ARL15: variants seen among roughly 807,000 people sequenced by gnomAD.
ARL15 encodes ADP-ribosylation factor-like protein 15.
ARL15 carries 19 observed loss-of-function variants against 25.2 expected under a neutral mutation model. The observed-to-expected ratio is 0.75, with a 90% confidence interval of 0.53 to 1.10. ARL15 has a LOEUF of 1.10. Among genes scored for constraint, ARL15 ranks in the 50% least tolerant of loss-of-function variants. ARL15 has a pLI of 0.00. For missense variants in ARL15, 220 were observed against 246.0 expected, an observed-to-expected ratio of 0.89 and a Z score of 0.71; for synonymous variants, 94 against 86.8, an observed-to-expected ratio of 1.08 and a Z score of -0.46.
intron 1 of ARL15, among the ~76,000 whole-genome samples, chr5:54,239,095 G>A (rs939247471): frequency 3.9e-5 from 6 of 152,084 alleles, no homozygotes; most frequent in Non-Finnish European, 7.4e-5. Context: ...CATCCCTCTA[G>A]CACCCTCCAT....
chr5:54,131,129 A>T (rs1753416403), intron 3 of ARL15, among the ~76,000 whole-genome samples: 1 of 152,180 alleles, frequency 6.6e-6, no homozygotes, highest in Non-Finnish European at 1.5e-5. Flanking sequence ...AGCAGTAAGC[A>T]GTTTCTGTTT....
At chr5:54,310,105 G>C (rs899339188) in intron 1 of ARL15, among the ~76,000 whole-genome samples, 1 of 152,238 alleles carries the variant, frequency 6.6e-6, no homozygotes, top group Non-Finnish European at 1.5e-5. Context: ...GTCCTCTGCG[G>C]AGAGCGCAGA....
rs1373274175 is a variant in ARL15, at chr5:53,998,216, CTCGCTTTTCCCA to C, written c.463-111515_463-111504del. The stretch of plus-strand genomic sequence containing the variant: ...GTGAGGGGGACTGAGCCCTATTTCT[CTCGCTTTTCCCA>C]TCTCTTGAATAATGTATCGTTCTTT... On this transcript the variant is annotated intron_variant, in intron 4 of 4. Coordinates refer to ENST00000504924, the MANE Select transcript of ARL15 (RefSeq NM_019087.3). Among the ~76,000 whole-genome samples, 5 of 151,252 alleles carry C rather than the reference CTCGCTTTTCCCA, an allele frequency of 3.3e-5. No individual in the cohort carries two copies. In the East Asian group the frequency reaches 9.8e-4, roughly 30 times the overall value.
At chr5:54,240,696 C>T (rs528280773) in intron 1 of ARL15, among the ~76,000 whole-genome samples, 5 of 152,252 alleles carry the variant, frequency 3.3e-5, no homozygotes, top group South Asian at 2.1e-4. Context: ...AATAAGGACC[C>T]TTCTCATGAT....
chr5:53,903,034 G>A (rs1011375331), intron 4 of ARL15, among the ~76,000 whole-genome samples: 2 of 152,158 alleles, frequency 1.3e-5, no homozygotes, highest in Admixed American at 6.5e-5. Flanking sequence ...CCTGGCAACT[G>A]AGAAATATGA....
intron 4 of ARL15, among the ~76,000 whole-genome samples, chr5:53,996,709 G>T (rs2111695043): frequency 6.6e-6 from 1 of 150,650 alleles, no homozygotes; most frequent in South Asian, 2.1e-4. Flanking sequence ...TTTTTCTTTT[G>T]CTACCTAAAA....
At chr5:54,150,969 G>A (rs933161017) in intron 3 of ARL15, among the ~76,000 whole-genome samples, 3 of 152,018 alleles carry the variant, frequency 2.0e-5, no homozygotes, top group African/African-American at 7.2e-5. Context: ...CCTGGGTAAA[G>A]TGCTGTAGGT....
At chr5:54,179,509 C>T (rs1478313856) in intron 1 of ARL15, among the ~76,000 whole-genome samples, 1 of 152,040 alleles carries the variant, frequency 6.6e-6, no homozygotes, top group African/African-American at 2.4e-5. Flanking sequence ...GCAAAAGGGA[C>T]CTGCAGCTCT....
chr5:53,929,381 G>A (rs1287209765), intron 4 of ARL15, among the ~76,000 whole-genome samples: 2 of 152,116 alleles, frequency 1.3e-5, no homozygotes, highest in African/African-American at 2.4e-5. Context: ...TTTCTCTTAT[G>A]GGTCAAACAG....
At chr5:54,285,269 G>A in intron 1 of ARL15, 1 of 641,136 alleles carries the variant, frequency 1.6e-6, no homozygotes, top group Non-Finnish European at 1.9e-6. Flanking sequence ...ATCTGTTTAA[G>A]AGAGGTCTAT....
chr5:54,152,100 A>T (rs1412819773), intron 3 of ARL15, among the ~76,000 whole-genome samples: 2 of 152,086 alleles, frequency 1.3e-5, no homozygotes, highest in African/African-American at 4.8e-5. Context: ...TGACAATGTG[A>T]TTGAACTCTG....
intron 1 of ARL15, among the ~76,000 whole-genome samples, chr5:54,222,847 G>T (rs897081327): frequency 6.6e-6 from 1 of 151,914 alleles, no homozygotes; most frequent in South Asian, 2.1e-4. Flanking sequence ...TTTTTGAGAC[G>T]GAGTCTCACT....
intron 4 of ARL15, among the ~76,000 whole-genome samples, chr5:54,057,114 A>C (rs1325214181): frequency 2.6e-5 from 4 of 152,214 alleles, no homozygotes; most frequent in Non-Finnish European, 5.9e-5. Flanking sequence ...AATTTTGGGA[A>C]AAGTGATTTA....
chr5:54,230,744 G>T (rs1756649529), intron 1 of ARL15, among the ~76,000 whole-genome samples: 1 of 152,032 alleles, frequency 6.6e-6, no homozygotes, highest in Admixed American at 6.6e-5. Context: ...CCTTTTTCTT[G>T]TTCCTATGCA....
intron 4 of ARL15, among the ~76,000 whole-genome samples, chr5:53,999,301 G>C (rs1178156933): frequency 6.6e-6 from 1 of 152,182 alleles, no homozygotes; most frequent in African/African-American, 2.4e-5. Flanking sequence ...TCAAAAATAA[G>C]TGGAAGGCCG....
At chr5:54,263,308 A>C (rs1757541873) in intron 1 of ARL15, among the ~76,000 whole-genome samples, 1 of 152,150 alleles carries the variant, frequency 6.6e-6, no homozygotes, top group South Asian at 2.1e-4. Flanking sequence ...GGCAGTTCGA[A>C]TCTCCCAGTT....
rs115452671 is a variant in ARL15, at chr5:54,131,767, T to C, written c.254-18357A>G. Among the ~76,000 whole-genome samples the C allele has an allele frequency of 3.7e-3, 559 of 152,216 alleles. 4 individuals are homozygous for C. Among genetic ancestry groups the C allele is most frequent in the African/African-American group, 0.012 (517 of 41,540 alleles). ...ACACTATCACCAGAATTACTGAGTA[T>C]TGTTTTTAAAATTCTAGCCCAGCTA... is the stretch of plus-strand genomic sequence containing the variant. On this transcript the variant is annotated intron_variant, in intron 3 of 4. Transcript: ENST00000504924.
At chr5:54,033,805 A>C (rs1750081474) in intron 4 of ARL15, among the ~76,000 whole-genome samples, 1 of 152,114 alleles carries the variant, frequency 6.6e-6, no homozygotes, top group African/African-American at 2.4e-5. Flanking sequence ...TTACTGACAA[A>C]TATTTACAAG....
chr5:53,985,837 G>A (rs775473227), intron 4 of ARL15, among the ~76,000 whole-genome samples: 8 of 152,064 alleles, frequency 5.3e-5, no homozygotes, highest in Non-Finnish European at 7.4e-5. Context: ...TAGAGCAACC[G>A]ACAAAATTAA....
Sources: allele counts gnomAD v4.1 joint callset (sites outside exome capture counted in the v4.1 genomes callset), GRCh38; gene constraint gnomAD v4.1.1; transcripts MANE v1.5; gene names NCBI Gene and HGNC (gene_info 2026-07-23, HGNC 2026-07-21).